FASN: variants seen among roughly 807,000 people sequenced by gnomAD.
FASN encodes the protein 3-hydroxyacyl-[acyl-carrier-protein] dehydratase.
In FASN, 50 loss-of-function variants were observed where a neutral mutation model predicts 250.0. The ratio of observed to expected loss-of-function variants is 0.20; its 90% CI spans 0.16 to 0.25. FASN has a LOEUF of 0.25. Ranked by LOEUF, FASN falls within the 10% of genes least tolerant of loss-of-function variation. The probability of loss-of-function intolerance (pLI) is 1.00; values close to 1 mark genes in which losing one functional copy is unlikely to be tolerated. For missense variants in FASN, 3,031 were observed against 3,498.5 expected, an observed-to-expected ratio of 0.87 and a Z score of 3.37; for synonymous variants, 1,909 against 1,584.0, an observed-to-expected ratio of 1.21 and a Z score of -4.87.
At position 82,091,032 on chromosome 17, in the gene FASN, G is replaced by A. The variant is rs753426330; in HGVS notation, c.1530C>T (p.Leu510=). 3.7e-6 allele frequency: 6 copies of A among 1,612,542 alleles called. No individual in the cohort carries two copies. In the African/African-American group the frequency reaches 6.7e-5, roughly 18 times the overall value. ...AATCTCGGAAGCGGTCCAGGCGCAT[G>A]AGGCTCAGCCCCATCCCGCGCCACT... ...GTQWRGMGLS[L]MRLDRFRDSI... Residue 510 remains leucine (L), a synonymous_variant, in exon 10 of 43, where the codon CTC becomes CTT. Coordinates refer to ENST00000306749, the MANE Select transcript of FASN (RefSeq NM_004104.5).
rs772178615 is a variant in FASN, at chr17:82,085,258, G to A, written c.4267C>T (p.Arg1423Cys). The A allele has an allele frequency of 2.5e-5, 41 of 1,611,568 alleles. No individual in the cohort carries two copies. Among genetic ancestry groups the A allele is most frequent in the East Asian group, 8.9e-5 (4 of 44,854 alleles). ...CTGACCTTCAGAGACTCCACCCAGCGGAAGCTGGTATCGTCCACCGGCAGG... is the reference window on the plus strand; with the variant it reads ...CTGACCTTCAGAGACTCCACCCAGCAGAAGCTGGTATCGTCCACCGGCAGG... Reference protein sequence around the residue: ...IFLPVDDTSFRWVESLKGILA... With the variant: ...IFLPVDDTSFCWVESLKGILA... Residue 1423 changes from arginine to cysteine, a missense_variant, in exon 24 of 43, where the codon CGC (arginine) becomes TGC (cysteine). By Grantham distance (180) the Arg-to-Cys change is radical. Coordinates refer to ENST00000306749, the MANE Select transcript of FASN (RefSeq NM_004104.5).
In FASN at chr17:82,093,283, G is replaced by C; in HGVS notation, c.591C>G (p.Ser197=). ...GCATCCCCAGCCTCAAGAACTGCAC[G>C]GAGGTGTTGGGCTTCAGCAGGACAT... ...GINVLLKPNT[S]VQFLRLGMLS... is the part of the protein sequence containing the mutation. The change falls in exon 5 of 43, where the codon TCC becomes TCG. Residue 197 remains serine, a synonymous_variant. Coordinates refer to ENST00000306749, the MANE Select transcript of FASN (RefSeq NM_004104.5). 6.3e-7 allele frequency: 1 copy of C among 1,596,352 alleles called. No individual in the cohort carries two copies. The highest frequency in any genetic ancestry group is 8.5e-7 in the Non-Finnish European group (1 of 1,172,448).
chr17:82,084,550 CATG>C lies in FASN; in HGVS notation c.4728_4730del (p.Ile1576del). On this transcript the variant is annotated inframe_deletion, in exon 27 of 43. Transcript: ENST00000306749. ...CAGGGGACAGCTTGCCAGTGGCCAG[CATG>C]ATGTCGCGGAAGTTGAGGGAGGCGT... is the stretch of plus-strand genomic sequence containing the variant. 6.2e-7 allele frequency: 1 copy of C among 1,611,616 alleles called. No homozygotes were observed. The highest frequency in any genetic ancestry group is 8.5e-7 in the Non-Finnish European group (1 of 1,179,514).
chr17:82,088,928 T>A (rs1427882549), intron 14 of FASN, 41 bp downstream of exon 14: 2 of 1,608,456 alleles, frequency 1.2e-6, no homozygotes, highest in Admixed American at 3.4e-5. Context: ...GAGGCGCCCA[T>A]CCCAGGCTCC....
rs1054175917 is a variant in FASN at position 82,080,779 on chromosome 17, C to T, written c.6739G>A (p.Val2247Met). The T allele has an allele frequency of 1.2e-6, 2 of 1,604,616 alleles. No individual in the cohort carries two copies. Among genetic ancestry groups the T allele is most frequent in the Non-Finnish European group, 1.7e-6 (2 of 1,176,902 alleles). ...VQSSERPLFL[V>M]HPIEGSTTVF... ...GTGGTGGAGCCCTCGATTGGGTGCA[C>T]CAGGAACAGGGGCCGCTCCGAGCTC... The change falls in exon 39 of 43, where the codon GTG (valine) becomes ATG (methionine). Residue 2247 changes from valine (V) to methionine (M), a missense_variant. Transcript: ENST00000306749.
Position 82,085,406 on chromosome 17 carries a change from T to TG in FASN, c.4123-5dup. 1.5e-5 allele frequency: 24 copies of TG among 1,608,762 alleles called. No individual in the cohort carries two copies. Among genetic ancestry groups the TG allele is most frequent in the Non-Finnish European group, 2.0e-5 (23 of 1,178,436 alleles). ...AGAAGAGGCTCTCCCACGCGTCCTG[T>TG]GGGGGCGGTGGTCAGCACCCTGCCC... On this transcript the variant is annotated splice_region_variant and splice_polypyrimidine_tract_variant and intron_variant, in intron 23 of 42. Transcript: ENST00000306749.
rs765093345 is a variant in FASN at position 82,096,404 on chromosome 17, T to C, written c.42A>G (p.Pro14=). 3 of 1,612,742 alleles carry C rather than the reference T, an allele frequency of 1.9e-6. No individual in the cohort carries two copies. The highest frequency in any genetic ancestry group is 1.3e-5 in the African/African-American group (1 of 74,954). ...VVIAGMSGKL[P]ESENLQEFWD... The stretch of plus-strand genomic sequence containing the variant: ...AGAACTCCTGCAAGTTCTCCGACTC[T>C]GGCAGCTTCCCGGACATGCCGGCAA... The change falls in exon 2 of 43, where the codon CCA becomes CCG. Residue 14 remains proline (P), a synonymous_variant. Transcript: ENST00000306749.
Position 82,090,753 on chromosome 17 carries a change from C to A in FASN, c.1680+129G>T, listed in dbSNP as rs1052211396. 1.2e-4 allele frequency: 146 copies of A among 1,187,588 alleles called. 1 individual carries two copies. In the Middle Eastern group the frequency reaches 1.3e-3, roughly 10 times the overall value. The allele number at this position is 1,187,588 out of a possible 1,614,324, so 73.6% of individuals were successfully genotyped here. ...CCCCTCCTCCCCTCCCGTCCTGCCC[C>A]CAGCACAAGGCTCTGCCTAGCAAAG... On this transcript the variant is annotated intron_variant, in intron 10 of 42. Transcript: ENST00000306749.
rs771667981 is a variant in FASN at position 82,084,917 on chromosome 17, G to A, written c.4446C>T (p.His1482=). The stretch of plus-strand genomic sequence containing the variant: ...CGGAGCCCGGGTCCACCTCCGGGAC[G>A]TGGGAGGTGCTGCTGAGGTTGGAGA... The part of the protein sequence containing the change: ...VLLSNLSSTS[H]VPEVDPGSAE... The change falls in exon 26 of 43, where the codon CAC becomes CAT. Residue 1482 remains histidine, a synonymous_variant. Coordinates refer to ENST00000306749, the MANE Select transcript of FASN (RefSeq NM_004104.5). 29 of 1,553,074 alleles carry A rather than the reference G, an allele frequency of 1.9e-5. No homozygotes were observed. In the East Asian group the frequency reaches 2.2e-4, roughly 12 times the overall value.
chr17:82,087,815 G>C lies in FASN; in HGVS notation c.2913C>G (p.His971Gln). Residue 971 changes from histidine to glutamine, a missense_variant, in exon 19 of 43, where the codon CAC (histidine) becomes CAG (glutamine). Transcript: ENST00000306749. ...WDDPDPRLFD[H>Q]PESPTPNPTE... ...TGGGGTTGGGGGTGGGGCTTTCCGG[G>C]TGGTCGAAGAGCCTGGGGTCAGGGT... The C allele has an allele frequency of 6.2e-7, 1 of 1,612,660 alleles. No homozygotes were observed. The highest frequency in any genetic ancestry group is 1.3e-5 in the African/African-American group (1 of 75,050).
Position 82,087,225 on chromosome 17 carries a change from C to T in FASN, c.3252G>A (p.Leu1084=). The T allele has an allele frequency of 6.2e-7, 1 of 1,607,906 alleles. No individual in the cohort carries two copies. The highest frequency in any genetic ancestry group is 8.5e-7 in the Non-Finnish European group (1 of 1,178,348). ...QVADVVVSRW[L]RVTVAGGVHI... ...GGACGCCTCCGGCCACTGTGACCCT[C>T]AGCCACCTGCTCACCACCACGTCAG... is the stretch of plus-strand genomic sequence containing the variant. Residue 1084 remains leucine (L), a synonymous_variant, in exon 21 of 43, where the codon CTG becomes CTA. Transcript: ENST00000306749.
Position 82,092,479 on chromosome 17 carries a change from G to A in FASN, c.1005C>T (p.Ala335=), listed in dbSNP as rs776934105. 6 of 1,587,074 alleles carry A rather than the reference G, an allele frequency of 3.8e-6. No homozygotes were observed. In the Admixed American group the frequency reaches 5.3e-5, roughly 14 times the overall value. ...CCTTGGCCAGGGCTGCCAGCCCCGAGGCTGGCTCCGGGTGCCCCATGTTGG... is the reference window on the plus strand; with the variant it reads ...CCTTGGCCAGGGCTGCCAGCCCCGAAGCTGGCTCCGGGTGCCCCATGTTGG... ...TKSNMGHPEP[A]SGLAALAKVL... is the part of the protein sequence containing the mutation. The change falls in exon 8 of 43, where the codon GCC becomes GCT. Residue 335 remains alanine (A), a synonymous_variant. Coordinates refer to ENST00000306749, the MANE Select transcript of FASN (RefSeq NM_004104.5).
rs202081905 is a variant in FASN at position 82,090,996 on chromosome 17, G to C, written c.1566C>G (p.Arg522=). Reference sequence around the variant, plus strand: ...CGAATGGCTTCACAGCCTCATCGGAGCGTAGGATGGAATCTCGGAAGCGGT... The same window carrying C: ...CGAATGGCTTCACAGCCTCATCGGACCGTAGGATGGAATCTCGGAAGCGGT... The part of the protein sequence containing the change: ...RLDRFRDSIL[R]SDEAVKPFGL... The change falls in exon 10 of 43, where the codon CGC becomes CGG. Residue 522 remains arginine, a synonymous_variant. Transcript: ENST00000306749. The C allele has an allele frequency of 1.9e-6, 3 of 1,612,774 alleles. No individual in the cohort carries two copies. In the African/African-American group the frequency reaches 4.0e-5, roughly 22 times the overall value.
chr17:82,095,272 G>C (rs754473426), intron 3 of FASN, 48 bp downstream of exon 3: 25 of 1,600,660 alleles, frequency 1.6e-5, no homozygotes, highest in Non-Finnish European at 2.0e-5. Context: ...CCTATTCCAC[G>C]TGAGCAGCAG....
rs758058728 is a variant in FASN at position 82,087,269 on chromosome 17, G to A, written c.3224-16C>T. 1.2e-6 allele frequency: 2 copies of A among 1,605,348 alleles called. No individual in the cohort carries two copies. Among genetic ancestry groups the A allele is most frequent in the Non-Finnish European group, 1.7e-6 (2 of 1,177,206 alleles). Reference sequence around the variant, plus strand: ...ACGTCAGCCACTGTGGGGACAGGCTGGGTGAGTGCGGCATACTTGGGTGGG... The same window carrying A: ...ACGTCAGCCACTGTGGGGACAGGCTAGGTGAGTGCGGCATACTTGGGTGGG... On this transcript the variant is annotated splice_polypyrimidine_tract_variant and intron_variant, in intron 20 of 42. Coordinates refer to ENST00000306749, the MANE Select transcript of FASN (RefSeq NM_004104.5).
At position 82,081,192 on chromosome 17, in the gene FASN, C is replaced by A; in HGVS notation, c.6567G>T (p.Glu2189Asp). ...VRQLTLRKLQ[E>D]LSSKADEASE... ...TGGCCTCATCCGCCTTTGAGGACAGCTCCTGCAGTTTCCGGAGCGTGAGTT... is the reference window on the plus strand; with the variant it reads ...TGGCCTCATCCGCCTTTGAGGACAGATCCTGCAGTTTCCGGAGCGTGAGTT... Residue 2189 changes from glutamate to aspartate, a missense_variant, in exon 38 of 43, where the codon GAG (glutamate) becomes GAT (aspartate). By Grantham distance (45) the Glu-to-Asp change is conservative. Coordinates refer to ENST00000306749, the MANE Select transcript of FASN (RefSeq NM_004104.5). 1 of 1,594,246 alleles carries A rather than the reference C, an allele frequency of 6.3e-7. No individual in the cohort carries two copies.
chr17:82,086,101 G>A (rs1317022467), intron 22 of FASN, among the ~76,000 whole-genome samples, 153 bp downstream of exon 22: 1 of 152,192 alleles, frequency 6.6e-6, no homozygotes. Context: ...TGTGTGGACC[G>A]CACAGGACAC....
In FASN at chr17:82,084,361, G is replaced by A. The variant is rs1469042512; in HGVS notation, c.4792C>T (p.Leu1598=). ...CGGCCCGAGAACTCCATACCTAGCA[G>A]GCTGTCCTGGGAGGTCCACTTCCCT... ...IPGKWTSQDS[L]LGMEFSGRDA... is the part of the protein sequence containing the mutation. Residue 1598 remains leucine (L), a synonymous_variant, in exon 28 of 43, where the codon CTG becomes TTG. Coordinates refer to ENST00000306749, the MANE Select transcript of FASN (RefSeq NM_004104.5). The A allele has an allele frequency of 3.7e-6, 6 of 1,607,818 alleles. No individual in the cohort carries two copies. Among genetic ancestry groups the A allele is most frequent in the South Asian group, 3.3e-5 (3 of 90,120 alleles).
At chr17:82,096,024 T>C (rs533407919) in intron 2 of FASN, among the ~76,000 whole-genome samples, 1 of 152,356 alleles carries the variant, frequency 6.6e-6, no homozygotes, top group East Asian at 1.9e-4. Context: ...AGATGGGCCC[T>C]GCCTGGGCCA....
Sources: gnomAD v4.1 joint callset for allele counts (sites outside exome capture counted in the v4.1 genomes callset) on GRCh38, gnomAD v4.1.1 for gene constraint, MANE v1.5 for transcripts, NCBI Gene and HGNC (gene_info 2026-07-23, HGNC 2026-07-21) for gene names.